The following AFG3L2 variants were observed in gnomAD, a reference collection of about 807,000 sequenced individuals.
The protein encoded by AFG3L2 is mitochondrial inner membrane m-AAA protease component AFG3L2.
Under a neutral mutation model 94.5 loss-of-function variants are expected in AFG3L2, and 54 were observed. The ratio of observed to expected loss-of-function variants is 0.57; its 90% confidence interval spans 0.46 to 0.72. The LOEUF (loss-of-function observed/expected upper bound fraction) is 0.72, where lower values mean the gene tolerates loss of function less well. Among genes scored for constraint, AFG3L2 ranks in the 30% least tolerant of loss-of-function variants. AFG3L2 has a pLI of 0.00. For missense variants in AFG3L2, 754 were observed against 994.9 expected, an observed-to-expected ratio of 0.76 and a Z score of 3.26; for synonymous variants, 377 against 365.5, an observed-to-expected ratio of 1.03 and a Z score of -0.36.
chr18:12,376,589 T>G (rs1042999159), intron 1 of AFG3L2, among the ~76,000 whole-genome samples: 2 of 152,160 alleles, frequency 1.3e-5, no homozygotes, highest in East Asian at 3.9e-4. Context: ...CCAAAACCCG[T>G]CCTTGCGACT....
In AFG3L2 at chr18:12,377,136, A is replaced by G. The variant is rs1034657917; in HGVS notation, c.-54T>C. The G allele has an allele frequency of 3.9e-6, 5 of 1,280,382 alleles. No individual in the cohort carries two copies. In the African/African-American group the frequency reaches 6.3e-5, roughly 16 times the overall value. The allele number at this position is 1,280,382 out of a possible 1,614,324, so 79.3% of individuals were successfully genotyped here. On this transcript the variant is annotated 5_prime_UTR_variant, in exon 1 of 17. Coordinates refer to ENST00000269143, the MANE Select transcript of AFG3L2 (RefSeq NM_006796.3). ...GACGCTGCGCAGGCGCGGGCAGGCGACGACTGGCGGCCTCGGGAAGCGGGC... is the reference window on the plus strand; with the variant it reads ...GACGCTGCGCAGGCGCGGGCAGGCGGCGACTGGCGGCCTCGGGAAGCGGGC...
At chr18:12,367,141 C>G (rs769984018) in intron 4 of AFG3L2, 24 bp from the exon 5 acceptor site, 2 of 1,614,148 alleles carry the variant, frequency 1.2e-6, no homozygotes, top group South Asian at 1.1e-5. Flanking sequence ...GAGACAGCTT[C>G]TGTGAAGAAT....
intron 10 of AFG3L2, 134 bp from the exon 11 acceptor site, chr18:12,351,547 TTG>T: frequency 2.4e-6 from 2 of 844,828 alleles, no homozygotes; most frequent in South Asian, 1.5e-5. Context: ...CTAGTGTTTT[TTG>T]TTTTTTTTTT....
At chr18:12,360,136 T>C in intron 6 of AFG3L2, 85 bp from the exon 7 acceptor site, 1 of 1,271,266 alleles carries the variant, frequency 7.9e-7, no homozygotes, top group Non-Finnish European at 1.1e-6. Flanking sequence ...TTTTAAGAAT[T>C]TTCCAGAAAT....
chr18:12,332,962 A>AAC (rs1568131916), intron 16 of AFG3L2, among the ~76,000 whole-genome samples: 27 of 117,724 alleles, frequency 2.3e-4, no homozygotes, highest in South Asian at 9.6e-4. Context: ...TATATACTAT[A>AAC]ATATATTATA....
At chr18:12,331,526 C>G (rs538384023) in intron 16 of AFG3L2, among the ~76,000 whole-genome samples, 1 of 152,136 alleles carries the variant, frequency 6.6e-6, no homozygotes, top group Non-Finnish European at 1.5e-5. Context: ...TATATGGCCA[C>G]GCGCAATGGC....
chr18:12,371,731 G>A (rs1415524702), intron 1 of AFG3L2, 40 bp from the exon 2 acceptor site: 1 of 1,548,992 alleles, frequency 6.5e-7, no homozygotes, highest in Non-Finnish European at 8.9e-7. Context: ...GTTATATCAA[G>A]ATAAAAAACT....
At chr18:12,351,756 A>G (rs1908325954) in intron 10 of AFG3L2, among the ~76,000 whole-genome samples, 1 of 152,122 alleles carries the variant, frequency 6.6e-6, no homozygotes, top group Non-Finnish European at 1.5e-5. Flanking sequence ...CATGTTGGTC[A>G]GGCTGGTCTC....
rs1217066954 is a variant in AFG3L2 at position 12,339,215 on chromosome 18, T to C, written c.1980+986A>G. On this transcript the variant is annotated intron_variant, in intron 15 of 16. Coordinates refer to ENST00000269143, the MANE Select transcript of AFG3L2 (RefSeq NM_006796.3). ...CAGATGGCGCCACTGCACTCCAGCC[T>C]GGGCGACCGAGACTCTGTCTCAAAA... Among the ~76,000 whole-genome samples the C allele has an allele frequency of 5.4e-5, 6 of 110,176 alleles. No individual in the cohort carries two copies. In the East Asian group the frequency reaches 1.8e-3, roughly 34 times the overall value. The allele number at this position is 110,176 out of a possible 152,430, so 72.3% of individuals were successfully genotyped here.
chr18:12,358,329 G>C (rs1473087144), intron 8 of AFG3L2, among the ~76,000 whole-genome samples: 1 of 152,230 alleles, frequency 6.6e-6, no homozygotes, highest in African/African-American at 2.4e-5. Flanking sequence ...AAGGGACACT[G>C]GGTGACAGCA....
rs771747701 is a variant in AFG3L2 at position 12,337,387 on chromosome 18, T to A, written c.2129A>T (p.Lys710Ile). Residue 710 changes from lysine (K) to isoleucine (I), a missense_variant, in exon 16 of 17, where the codon AAA (lysine) becomes ATA (isoleucine). Lys to Ile is a moderately radical substitution (Grantham distance 102, BLOSUM62 -3). Coordinates refer to ENST00000269143, the MANE Select transcript of AFG3L2 (RefSeq NM_006796.3). ...TTCTGTGAGAAGAGCTACTGTTCTTTTATAAGCATCATTAATAAGTATTCG... is the reference window on the plus strand; with the variant it reads ...TTCTGTGAGAAGAGCTACTGTTCTTATATAAGCATCATTAATAAGTATTCG... ...EVRILINDAY[K>I]RTVALLTEKK... 1.2e-5 allele frequency: 20 copies of A among 1,614,128 alleles called. No individual in the cohort carries two copies. In the Admixed American group the frequency reaches 3.3e-4, roughly 27 times the overall value.
chr18:12,367,304 T>G lies in AFG3L2; in HGVS notation c.371A>C (p.Asp124Ala). Residue 124 changes from aspartate (D) to alanine (A), a missense_variant, in exon 4 of 17, where the codon GAT becomes GCT. Physicochemically the swap from Asp to Ala is moderately radical, Grantham distance 126. Around this residue, in one of 4 missense-constraint regions of AFG3L2, gnomAD observed 236 missense variants for 214.0 expected, o/e 1.10. Transcript: ENST00000269143. ...GGGKRGGKKD[D>A]SHWWSRFQKG... ...CTGAAACCTGGACCACCAGTGAGAATCATCTTTCTTGCCACCTCGTTTTCC... is the reference window on the plus strand; with the variant it reads ...CTGAAACCTGGACCACCAGTGAGAAGCATCTTTCTTGCCACCTCGTTTTCC... The G allele has an allele frequency of 6.2e-7, 1 of 1,614,174 alleles. No homozygotes were observed.
At chr18:12,368,385 A>G (rs1431002667) in intron 3 of AFG3L2, among the ~76,000 whole-genome samples, 1 of 151,948 alleles carries the variant, frequency 6.6e-6, no homozygotes, top group Non-Finnish European at 1.5e-5. Context: ...AAAACAAAAC[A>G]AAAGTAAGTA....
At chr18:12,368,214 C>T (rs1054382818) in intron 3 of AFG3L2, among the ~76,000 whole-genome samples, 22 of 151,974 alleles carry the variant, frequency 1.4e-4, no homozygotes, top group Admixed American at 1.3e-3. Flanking sequence ...TAAAAATTAG[C>T]CAGGCATCGT....
In AFG3L2 at chr18:12,358,765, C is replaced by T. The variant is rs1908568907; in HGVS notation, c.931G>A (p.Ala311Thr). ...DEIDVKFKDV[A>T]GCEEAKLEIM... ...TCTAGCTTGGCCTCCTCACAGCCAG[C>T]CACATCTTTGAACTTCACATCAATT... is the stretch of plus-strand genomic sequence containing the variant. The change falls in exon 8 of 17, where the codon GCT (alanine) becomes ACT (threonine). Residue 311 changes from alanine to threonine, a missense_variant. Ala to Thr is a moderately conservative substitution (Grantham distance 58). Around this residue, in one of 4 missense-constraint regions of AFG3L2, gnomAD observed 109 missense variants for 227.1 expected, o/e 0.48. Coordinates refer to ENST00000269143, the MANE Select transcript of AFG3L2 (RefSeq NM_006796.3). 6.2e-7 allele frequency: 1 copy of T among 1,614,142 alleles called. No individual in the cohort carries two copies. Among genetic ancestry groups the T allele is most frequent in the Non-Finnish European group, 8.5e-7 (1 of 1,180,054 alleles).
At chr18:12,343,487 T>G (rs867896113) in intron 14 of AFG3L2, 1 of 154,768 alleles carries the variant, frequency 6.5e-6, no homozygotes. Context: ...CTTTCTGTCA[T>G]CTGTGCTGCA....
chr18:12,332,712 G>A (rs1369771569), intron 16 of AFG3L2, among the ~76,000 whole-genome samples: 1 of 148,442 alleles, frequency 6.7e-6, no homozygotes, highest in Non-Finnish European at 1.5e-5. Context: ...TAAAAGATTA[G>A]GATTGTTTAG....
intron 13 of AFG3L2, among the ~76,000 whole-genome samples, chr18:12,347,824 C>G (rs1458815483): frequency 6.6e-6 from 1 of 152,212 alleles, no homozygotes; most frequent in African/African-American, 2.4e-5. Flanking sequence ...GCTGGGATTA[C>G]AGGCGTGAGC....
chr18:12,373,986 T>C (rs1247028178), intron 1 of AFG3L2, among the ~76,000 whole-genome samples: 5 of 152,118 alleles, frequency 3.3e-5, no homozygotes, highest in Admixed American at 3.3e-4. Flanking sequence ...ACTCAAACCA[T>C]AGTACCATAT....
Sources: gnomAD v4.1 joint callset for allele counts (sites outside exome capture counted in the v4.1 genomes callset) on GRCh38, gnomAD v4.1.1 for gene constraint, gnomAD v4.1.1 regional missense constraint, MANE v1.5 for transcripts, NCBI Gene and HGNC (gene_info 2026-07-23, HGNC 2026-07-21) for gene names.